ASCC3: variants seen among roughly 807,000 people sequenced by gnomAD.
ASCC3 encodes ASC-1 complex subunit P200.
A neutral mutation model predicts 256.3 loss-of-function variants in ASCC3; 158 were observed. The ratio of observed to expected loss-of-function variants is 0.62; its 90% CI spans 0.54 to 0.70. The LOEUF (loss-of-function observed/expected upper bound fraction) is 0.70. Ranked by LOEUF, ASCC3 falls within the 30% of genes least tolerant of loss-of-function variation. ASCC3 has a pLI of 0.00. For missense variants in ASCC3, 2,259 were observed against 2,626.0 expected (o/e 0.86, Z 3.05); for synonymous variants, 948 against 883.4 (o/e 1.07, Z -1.30).
chr6:100,795,109 T>C (rs1007473313), intron 8 of ASCC3, among the ~76,000 whole-genome samples: 4 of 152,174 alleles, frequency 2.6e-5, no homozygotes, highest in African/African-American at 4.8e-5. Context: ...GGGAAAGGAA[T>C]TGGTTCAGAA....
intron 37 of ASCC3, among the ~76,000 whole-genome samples, chr6:100,521,743 G>A (rs1162777479): frequency 6.6e-6 from 1 of 152,218 alleles, no homozygotes; most frequent in African/African-American, 2.4e-5. Context: ...AAGCCCAAGT[G>A]ACTGTTCAGA....
At chr6:100,735,589 T>C (rs1010310062) in intron 10 of ASCC3, among the ~76,000 whole-genome samples, 2 of 152,184 alleles carry the variant, frequency 1.3e-5, no homozygotes, top group Non-Finnish European at 2.9e-5. Context: ...TTTTAGATGG[T>C]AAATTTGGCA....
In ASCC3 at chr6:100,523,487, A is replaced by G. The variant is rs1011799475; in HGVS notation, c.5776-5345T>C. Among the ~76,000 whole-genome samples, 5 of 152,140 alleles carry G rather than the reference A, an allele frequency of 3.3e-5. No homozygotes were observed. The South Asian group carries it at 1.0e-3, about 31-fold the overall frequency. The stretch of plus-strand genomic sequence containing the variant: ...AAGATAAATTATCTGCTTCCAGAGT[A>G]TGTGGGCAAGAACTCATAGAAAAGA... On this transcript the variant is annotated intron_variant, in intron 37 of 41. Transcript: ENST00000369162.
At chr6:100,797,552 C>T (rs1769692683) in intron 8 of ASCC3, among the ~76,000 whole-genome samples, 1 of 149,872 alleles carries the variant, frequency 6.7e-6, no homozygotes, top group Non-Finnish European at 1.5e-5. Context: ...GATGATATTG[C>T]TTATAATGAT....
chr6:100,550,404 TGAGA>T (rs1388070426), intron 36 of ASCC3, among the ~76,000 whole-genome samples: 7 of 151,988 alleles, frequency 4.6e-5, no homozygotes, highest in Non-Finnish European at 1.0e-4. Context: ...CATTTTCCCC[TGAGA>T]AAGAGAAACC....
chr6:100,783,010 C>CA (rs5878647), intron 8 of ASCC3, among the ~76,000 whole-genome samples: 2,465 of 133,180 alleles, frequency 0.019, 107 homozygotes, highest in East Asian at 0.16. Flanking sequence ...ATACCTATGC[C>CA]AAAAAAAAAA....
At chr6:100,763,602 AG>A (rs1781511527) in intron 10 of ASCC3, among the ~76,000 whole-genome samples, 2 of 152,188 alleles carry the variant, frequency 1.3e-5, no homozygotes, top group Admixed American at 1.3e-4. Flanking sequence ...GGCAAAGGGT[AG>A]ACAACAAGGG....
intron 26 of ASCC3, 26 bp downstream of exon 26, chr6:100,631,102 T>A: frequency 6.6e-7 from 1 of 1,506,622 alleles, no homozygotes; most frequent in Non-Finnish European, 9.2e-7. Context: ...TCAAAGCGTA[T>A]CTTTTGAGTA....
Position 100,661,945 on chromosome 6 carries a change from C to T in ASCC3, c.2564G>A (p.Arg855Gln), listed in dbSNP as rs758390244. 1 of 1,613,270 alleles carries T rather than the reference C, an allele frequency of 6.2e-7. No homozygotes were observed. The highest frequency in any genetic ancestry group is 8.5e-7 in the Non-Finnish European group (1 of 1,179,476). The change falls in exon 16 of 42, where the codon CGA (arginine) becomes CAA (glutamine). Residue 855 changes from arginine (R) to glutamine (Q), a missense_variant. By Grantham distance (43) the Arg-to-Gln change is conservative. Transcript: ENST00000369162. ...DVMQIFGRAGRPQFDKFGEGI... is the reference protein window; with the variant it reads ...DVMQIFGRAGQPQFDKFGEGI... ...TTCCCCAAATTTGTCAAATTGTGGT[C>T]GTCCAGCTCGACCAAATATCTGCAT...
At chr6:100,526,901 T>G (rs994765586) in intron 37 of ASCC3, among the ~76,000 whole-genome samples, 1 of 152,214 alleles carries the variant, frequency 6.6e-6, no homozygotes, top group Non-Finnish European at 1.5e-5. Context: ...TAAGGTCACA[T>G]TAATACTTAC....
At position 100,589,725 on chromosome 6, in the gene ASCC3, G is replaced by A. The variant is rs752475878; in HGVS notation, c.5459C>T (p.Ser1820Phe). ...TGTTTGATGCTTCAAATAGTAATAG[G>A]AGGCAATTCGGCCATAAGTTAGAGG... is the stretch of plus-strand genomic sequence containing the variant. ...IEPLTYGRIA[S>F]YYYLKHQTVK... The change falls in exon 36 of 42, where the codon TCC becomes TTC. Residue 1820 changes from serine (S) to phenylalanine (F), a missense_variant. Ser to Phe is a radical substitution (Grantham distance 155). Coordinates refer to ENST00000369162, the MANE Select transcript of ASCC3 (RefSeq NM_006828.4). 5 of 1,613,720 alleles carry A rather than the reference G, an allele frequency of 3.1e-6. No individual in the cohort carries two copies. The highest frequency in any genetic ancestry group is 2.7e-5 in the African/African-American group (2 of 75,004).
At chr6:100,744,097 T>C (rs960478330) in intron 10 of ASCC3, among the ~76,000 whole-genome samples, 1 of 152,204 alleles carries the variant, frequency 6.6e-6, no homozygotes, top group Non-Finnish European at 1.5e-5. Context: ...TGTCCTTACT[T>C]ATCCTTAGCA....
intron 36 of ASCC3, among the ~76,000 whole-genome samples, chr6:100,562,706 G>A (rs1347393157): frequency 6.6e-6 from 1 of 151,778 alleles, no homozygotes; most frequent in African/African-American, 2.4e-5. Context: ...AAGACCATTT[G>A]TATACATTTG....
At chr6:100,628,098 A>C (rs1158041753) in intron 27 of ASCC3, 111 bp from the exon 28 acceptor site, 10 of 1,151,114 alleles carry the variant, frequency 8.7e-6, no homozygotes, top group East Asian at 5.1e-5. Context: ...AAACAAAAAA[A>C]AAAACAAAAA....
chr6:100,869,347 A>G (rs982021085), intron 1 of ASCC3, among the ~76,000 whole-genome samples: 1 of 152,210 alleles, frequency 6.6e-6, no homozygotes, highest in African/African-American at 2.4e-5. Context: ...CCTCTTGACT[A>G]CTGTATTCCT....
At chr6:100,561,072 A>C (rs963957149) in intron 36 of ASCC3, among the ~76,000 whole-genome samples, 6 of 151,816 alleles carry the variant, frequency 4.0e-5, no homozygotes, top group African/African-American at 1.5e-4. Flanking sequence ...CAGTGGCTTA[A>C]CTTTACTGAT....
intron 36 of ASCC3, among the ~76,000 whole-genome samples, chr6:100,544,335 T>C (rs1453282141): frequency 6.6e-6 from 1 of 151,818 alleles, no homozygotes; most frequent in Non-Finnish European, 1.5e-5. Context: ...AACAAATCAC[T>C]GAAATAGGAA....
intron 3 of ASCC3, 148 bp downstream of exon 3, chr6:100,863,916 C>G (rs1773348571): frequency 1.3e-6 from 1 of 752,352 alleles, no homozygotes. Flanking sequence ...AGCCACCGCG[C>G]CTGGCCAGGA....
chr6:100,696,161 AAACAG>A (rs748462491), intron 13 of ASCC3, among the ~76,000 whole-genome samples: 7 of 152,194 alleles, frequency 4.6e-5, no homozygotes, highest in Non-Finnish European at 7.4e-5. Context: ...ATTCTCTTAA[AAACAG>A]AACATTATTT....
Sources: allele counts gnomAD v4.1 joint callset (sites outside exome capture counted in the v4.1 genomes callset), GRCh38; gene constraint gnomAD v4.1.1; transcripts MANE v1.5; gene names NCBI Gene and HGNC (gene_info 2026-07-23, HGNC 2026-07-21).